Variants in BCLAF3 observed in about 807,000 individuals in gnomAD.
The protein encoded by BCLAF3 is transient octamer binding factor 1.
In BCLAF3, 24 loss-of-function variants were observed where a neutral mutation model predicts 51.2. The ratio of observed to expected loss-of-function variants is 0.47; its 90% CI spans 0.34 to 0.66. The LOEUF (loss-of-function observed/expected upper bound fraction) is 0.66, where lower values mean the gene tolerates loss of function less well. Among genes scored for constraint, BCLAF3 ranks in the 30% least tolerant of loss-of-function variants. The pLI is 0.01. For synonymous variants in BCLAF3, 152 were observed against 176.6 expected, an observed-to-expected ratio of 0.86 and a Z score of 1.10; for missense variants, 465 against 525.1, an observed-to-expected ratio of 0.89 and a Z score of 1.12.
At chrX:19,963,531 T>C (rs2071936423) in intron 4 of BCLAF3, among the ~76,000 whole-genome samples, 1 of 111,878 alleles carries the variant, frequency 8.9e-6, no homozygotes, top group Admixed American at 9.5e-5. Flanking sequence ...AAAATGCAAA[T>C]AAAATTGTTG....
intron 2 of BCLAF3, among the ~76,000 whole-genome samples, chrX:19,968,807 G>A (rs1443184351): frequency 2.7e-5 from 3 of 112,703 alleles, no homozygotes; most frequent in African/African-American, 6.4e-5. Flanking sequence ...AGCGCCTTTT[G>A]TCTTATCAAG....
chrX:19,919,673 A>C (rs1469510580), intron 11 of BCLAF3, among the ~76,000 whole-genome samples: 1 of 110,234 alleles, frequency 9.1e-6, no homozygotes, highest in African/African-American at 3.3e-5. Flanking sequence ...CCCGGACAAC[A>C]TGGTGAAACC....
chrX:19,965,513 GGT>G lies in BCLAF3; in HGVS notation c.803_804del (p.His268ProfsTer12). On this transcript the variant is annotated frameshift_variant, in exon 4 of 12. Transcript: ENST00000379682. LOFTEE classifies it high-confidence loss of function. ...PQTYRHAERE[H>X]PETSSATKVS... ...ACTTTGGTTGCTGAACTGGTCTCTG[GGT>G]GTTCCCTCTCAGCATGTCGATAAGT... The G allele has an allele frequency of 8.3e-7, 1 of 1,207,933 alleles. No individual in the cohort carries two copies. Among genetic ancestry groups the G allele is most frequent in the Non-Finnish European group, 1.1e-6 (1 of 894,082 alleles).
chrX:19,989,948 T>C (rs758011503), intron 1 of BCLAF3, among the ~76,000 whole-genome samples: 1 of 111,266 alleles, frequency 9.0e-6, no homozygotes, highest in East Asian at 2.8e-4. Context: ...AAATAAAACA[T>C]TGCTATACCA....
chrX:19,923,847 T>A (rs1401741348), intron 11 of BCLAF3, among the ~76,000 whole-genome samples: 10 of 77,392 alleles, frequency 1.3e-4, no homozygotes, highest in African/African-American at 1.1e-3. Flanking sequence ...ATTTATTTAT[T>A]TTTTTTTTTT....
chrX:19,912,953 T>C lies in BCLAF3; in HGVS notation c.*4352A>G, dbSNP rs2069841116. 8.9e-6 allele frequency: 1 copy of C among 112,330 alleles called. No homozygotes were observed. 9.3% of individuals were successfully genotyped at this position (112,330 alleles called of 1,213,427 possible). A position where few individuals can be genotyped will look rare whatever the true frequency, so the allele number is the denominator to read the frequency against. On this transcript the variant is annotated 3_prime_UTR_variant, in exon 12 of 12. Coordinates refer to ENST00000379682, the MANE Select transcript of BCLAF3 (RefSeq NM_001367774.2). Reference sequence around the variant, plus strand: ...AGTACAGTCACTCATAATCCCACCATTTAAAAAAATCAACAGTGTTAACAG... The same window carrying C: ...AGTACAGTCACTCATAATCCCACCACTTAAAAAAATCAACAGTGTTAACAG...
rs1164113932 is a variant in BCLAF3, at chrX:19,966,394, A to G, written c.297T>C (p.Tyr99=). 8.3e-7 allele frequency: 1 copy of G among 1,211,712 alleles called. No homozygotes were observed. Among genetic ancestry groups the G allele is most frequent in the South Asian group, 1.8e-5 (1 of 56,964 alleles). ...TGTTACTGTCCCCTCTTCCAGGCGA[A>G]TATCCTCTGTGAGGCTTATACATAT... is the stretch of plus-strand genomic sequence containing the variant. ...NVYMYKPHRG[Y]SPGRGDSNRR... is the part of the protein sequence containing the mutation. The change falls in exon 3 of 12, where the codon TAT becomes TAC. Residue 99 remains tyrosine (Y), a synonymous_variant. Coordinates refer to ENST00000379682, the MANE Select transcript of BCLAF3 (RefSeq NM_001367774.2).
At chrX:19,950,927 T>C in intron 7 of BCLAF3, 59 bp from the exon 8 acceptor site, 6 of 791,388 alleles carry the variant, frequency 7.6e-6, no homozygotes, top group Non-Finnish European at 1.2e-5. Flanking sequence ...ACAAAGACCA[T>C]ATCTAACAAG....
chrX:19,917,475 G>T, intron 11 of BCLAF3, 141 bp from the exon 12 acceptor site: 1 of 506,327 alleles, frequency 2.0e-6, no homozygotes, highest in Non-Finnish European at 3.4e-6. Context: ...AAGGCATGTG[G>T]AACCCCAAAG....
chrX:19,936,120 G>T (rs2070747813), intron 9 of BCLAF3, among the ~76,000 whole-genome samples: 1 of 111,581 alleles, frequency 9.0e-6, no homozygotes, highest in Non-Finnish European at 1.9e-5. Flanking sequence ...GAGGAGCCAG[G>T]ATCATTTACG....
intron 9 of BCLAF3, among the ~76,000 whole-genome samples, chrX:19,936,566 G>T (rs181078032): frequency 9.0e-6 from 1 of 111,671 alleles, no homozygotes; most frequent in African/African-American, 3.2e-5. Flanking sequence ...CTGCTGACAT[G>T]GCTCCCAGTG....
At position 19,916,242 on chromosome X, in the gene BCLAF3, G is replaced by A. The variant is rs1390322592; in HGVS notation, c.*1063C>T. 8.9e-6 allele frequency: 1 copy of A among 112,170 alleles called. No individual in the cohort carries two copies. 9.2% of individuals were successfully genotyped at this position (112,170 alleles called of 1,213,427 possible). On this transcript the variant is annotated 3_prime_UTR_variant, in exon 12 of 12. Transcript: ENST00000379682. The stretch of plus-strand genomic sequence containing the variant: ...AATTAAAATAATGCTCTCACAAACT[G>A]GCAAGTAACTTATTTAAGCAGAAAG...
Position 19,917,169 on chromosome X carries a change from A to G in BCLAF3, c.*136T>C, listed in dbSNP as rs2069958231. ...AGGTGTAAAAAAGTTGCAGCATTCC[A>G]CTACTAAAAAATAAAGTTATTTTAT... On this transcript the variant is annotated 3_prime_UTR_variant, in exon 12 of 12. Transcript: ENST00000379682. 5.3e-6 allele frequency: 3 copies of G among 568,628 alleles called. No homozygotes were observed. The highest frequency in any genetic ancestry group is 8.6e-6 in the Non-Finnish European group (3 of 346,966). 46.9% of individuals were successfully genotyped at this position (568,628 alleles called of 1,213,427 possible).
chrX:19,968,433 T>C lies in BCLAF3; in HGVS notation c.42-1784A>G, dbSNP rs146176124. Among the ~76,000 whole-genome samples the C allele has an allele frequency of 5.5e-3, 625 of 112,848 alleles. 3 individuals carry two copies. Among genetic ancestry groups the C allele is most frequent in the Middle Eastern group, 0.019 (4 of 215 alleles). On this transcript the variant is annotated intron_variant, in intron 2 of 11. Coordinates refer to ENST00000379682, the MANE Select transcript of BCLAF3 (RefSeq NM_001367774.2). ...TGTCTCCTCCAAGGCAAAGGCTGCA[T>C]GATGGGTTTATCTGCAGCCCCTGAT...
At chrX:19,940,141 A>G (rs2070950819) in intron 8 of BCLAF3, among the ~76,000 whole-genome samples, 1 of 112,240 alleles carries the variant, frequency 8.9e-6, no homozygotes, top group Non-Finnish European at 1.9e-5. Context: ...TTGATTTTTG[A>G]CCAGGCAAAT....
intron 8 of BCLAF3, among the ~76,000 whole-genome samples, chrX:19,946,390 A>T (rs1050320157): frequency 8.9e-6 from 1 of 112,055 alleles, no homozygotes; most frequent in Non-Finnish European, 1.9e-5. Flanking sequence ...CATACAGAGG[A>T]TATGGGAGGA....
At chrX:19,966,788 G>T in intron 2 of BCLAF3, 139 bp from the exon 3 acceptor site, 1 of 501,023 alleles carries the variant, frequency 2.0e-6, no homozygotes, top group Non-Finnish European at 3.3e-6. Context: ...TGCTACATCT[G>T]CATTCTAAAT....
intron 8 of BCLAF3, among the ~76,000 whole-genome samples, chrX:19,947,475 A>G (rs1001793342): frequency 9.0e-6 from 1 of 111,632 alleles, no homozygotes. Context: ...AAGTGGAAGT[A>G]AATCCAGACC....
Position 19,952,935 on chromosome X carries a change from C to T in BCLAF3, c.1629+53G>A, listed in dbSNP as rs188360513. 2.8e-5 allele frequency: 28 copies of T among 1,002,407 alleles called. No individual in the cohort carries two copies. The African/African-American group carries it at 3.4e-4, about 12-fold the overall frequency. The allele number at this position is 1,002,407 out of a possible 1,213,427, so 82.6% of individuals were successfully genotyped here. ...CTCTCCCAACCACCAAGCCCCTTGC[C>T]GTTAATATACAAACAATAAGATAAT... On this transcript the variant is annotated intron_variant, in intron 7 of 11. Transcript: ENST00000379682.
Sources: gnomAD v4.1 joint callset for allele counts (sites outside exome capture counted in the v4.1 genomes callset) on GRCh38, gnomAD v4.1.1 for gene constraint, MANE v1.5 for transcripts, NCBI Gene and HGNC (gene_info 2026-07-23, HGNC 2026-07-21) for gene names.